GRID2: variants seen among roughly 807,000 people sequenced by gnomAD.
The protein encoded by GRID2 is glutamate receptor ionotropic, delta-2.
GRID2 carries 33 observed loss-of-function variants against 114.8 expected under a neutral mutation model. The observed-to-expected ratio is 0.29, with a 90% CI of 0.22 to 0.38. The LOEUF (loss-of-function observed/expected upper bound fraction) is 0.38, where lower values mean the gene tolerates loss of function less well. Ranked by LOEUF, GRID2 falls within the 10% of genes least tolerant of loss-of-function variation. The pLI is 1.00. For synonymous variants in GRID2, 505 were observed against 449.9 expected, an observed-to-expected ratio of 1.12 and a Z score of -1.55; for missense variants, 1,184 against 1,257.7, an observed-to-expected ratio of 0.94 and a Z score of 0.89.
At chr4:92,713,538 A>G in intron 2 of GRID2, among the ~76,000 whole-genome samples, 1 of 114,298 alleles carries the variant, frequency 8.7e-6, no homozygotes, top group Non-Finnish European at 1.7e-5. Flanking sequence ...TAGGTCTTGG[A>G]TAGTGTTTTC....
At chr4:92,665,649 T>C (rs746762554) in intron 2 of GRID2, among the ~76,000 whole-genome samples, 1 of 151,128 alleles carries the variant, frequency 6.6e-6, no homozygotes, top group Non-Finnish European at 1.5e-5. Context: ...ATTTTAGAAT[T>C]TTTTTATTTT....
At chr4:93,476,366 C>T (rs1045856801) in intron 11 of GRID2, among the ~76,000 whole-genome samples, 8 of 152,064 alleles carry the variant, frequency 5.3e-5, no homozygotes, top group Non-Finnish European at 1.2e-4. Flanking sequence ...CAGTGTATCC[C>T]TCAATCATAC....
intron 2 of GRID2, among the ~76,000 whole-genome samples, chr4:93,067,617 A>G (rs1339919695): frequency 6.6e-6 from 1 of 152,058 alleles, no homozygotes; most frequent in Non-Finnish European, 1.5e-5. Context: ...ACATACATTC[A>G]GACCATAGCA....
chr4:92,969,390 TATC>T lies in GRID2; in HGVS notation c.245-115602_245-115600del, dbSNP rs538536398. Among the ~76,000 whole-genome samples, 179 of 151,932 alleles carry T rather than the reference TATC, an allele frequency of 1.2e-3. 3 individuals are homozygous for T. Among genetic ancestry groups the T allele is most frequent in the East Asian group, 7.4e-3 (38 of 5,162 alleles). ...ACATTAATACTTGGATGGAAATTGT[TATC>T]ATGATTAATAACAATGAGTTGTGGC... On this transcript the variant is annotated intron_variant, in intron 2 of 15. Coordinates refer to ENST00000282020, the MANE Select transcript of GRID2 (RefSeq NM_001510.4).
At chr4:92,611,118 G>GTGTGTGTGTGTGCA (rs570324638) in intron 2 of GRID2, among the ~76,000 whole-genome samples, 4 of 144,526 alleles carry the variant, frequency 2.8e-5, no homozygotes, top group Non-Finnish European at 6.0e-5. Context: ...GTGTGTGTAT[G>GTGTGTGTGTGTGCA]TGTGTGTGTG....
intron 4 of GRID2, among the ~76,000 whole-genome samples, chr4:93,172,600 G>GAA (rs201819089): frequency 7.0e-6 from 1 of 142,954 alleles, no homozygotes; most frequent in African/African-American, 2.6e-5. Flanking sequence ...TCAAAAAAAA[G>GAA]AAAAAAAAAA....
chr4:93,156,443 T>C (rs959915000), intron 4 of GRID2, among the ~76,000 whole-genome samples: 1 of 151,590 alleles, frequency 6.6e-6, no homozygotes, highest in Non-Finnish European at 1.5e-5. Context: ...GGAACAATAA[T>C]CCAGTTCAAA....
At position 93,632,828 on chromosome 4, in the gene GRID2, G is replaced by A. The variant is rs573663367; in HGVS notation, c.2360+6393G>A. Among the ~76,000 whole-genome samples the A allele has an allele frequency of 1.5e-3, 225 of 152,076 alleles. 1 individual carries two copies. The highest frequency in any genetic ancestry group is 4.9e-3 in the African/African-American group (203 of 41,486). On this transcript the variant is annotated intron_variant, in intron 14 of 15. Coordinates refer to ENST00000282020, the MANE Select transcript of GRID2 (RefSeq NM_001510.4). ...TGGGCAGTATGGCCATTTTCACGAT[G>A]TTGATTCTTCCTACCCATGAGCATG...
chr4:92,799,698 A>G (rs914389357), intron 2 of GRID2, among the ~76,000 whole-genome samples: 2 of 152,002 alleles, frequency 1.3e-5, no homozygotes, highest in African/African-American at 2.4e-5. Context: ...AAGGGGTTAC[A>G]AATACAAATA....
At chr4:93,345,439 T>A (rs1383306374) in intron 8 of GRID2, among the ~76,000 whole-genome samples, 1 of 152,148 alleles carries the variant, frequency 6.6e-6, no homozygotes, top group African/African-American at 2.4e-5. Flanking sequence ...GCCATTTGCA[T>A]GTCATCTTCT....
intron 2 of GRID2, among the ~76,000 whole-genome samples, chr4:92,690,259 A>G (rs572034509): frequency 8.2e-4 from 125 of 152,184 alleles, no homozygotes; most frequent in African/African-American, 2.8e-3. Context: ...AGGCCGTTGT[A>G]GGCTTATCAA....
chr4:92,715,176 A>G (rs1579902434), intron 2 of GRID2, among the ~76,000 whole-genome samples: 1 of 152,168 alleles, frequency 6.6e-6, no homozygotes, highest in East Asian at 1.9e-4. Flanking sequence ...ACACATTTCT[A>G]GGACAGGGGC....
At chr4:92,401,966 C>G (rs879010261) in intron 1 of GRID2, among the ~76,000 whole-genome samples, 1 of 152,186 alleles carries the variant, frequency 6.6e-6, no homozygotes, top group Admixed American at 6.5e-5. Context: ...CACTGTGCAG[C>G]TGCTTTATCA....
intron 14 of GRID2, among the ~76,000 whole-genome samples, chr4:93,661,400 G>C (rs1052392256): frequency 6.6e-6 from 1 of 152,046 alleles, no homozygotes; most frequent in Non-Finnish European, 1.5e-5. Flanking sequence ...TGGTGACTTT[G>C]CTTTTTAAAA....
intron 12 of GRID2, among the ~76,000 whole-genome samples, chr4:93,492,090 A>G (rs1309058061): frequency 1.3e-5 from 2 of 152,002 alleles, no homozygotes; most frequent in East Asian, 3.9e-4. Flanking sequence ...AGTGAAACTT[A>G]TACCATTGAT....
At chr4:93,782,314 C>T (rs182973376) in intron 1 of GRID2, among the ~76,000 whole-genome samples, 8 of 152,134 alleles carry the variant, frequency 5.3e-5, no homozygotes, top group Admixed American at 2.0e-4. Flanking sequence ...TCTTAGAAAA[C>T]GAACAAACTA....
chr4:92,737,987 T>C (rs764769572), intron 2 of GRID2, among the ~76,000 whole-genome samples: 1 of 152,152 alleles, frequency 6.6e-6, no homozygotes, highest in Non-Finnish European at 1.5e-5. Flanking sequence ...CATTGTTTCA[T>C]TTTTACTCTG....
intron 9 of GRID2, among the ~76,000 whole-genome samples, chr4:93,421,931 C>T (rs1008725100): frequency 1.3e-5 from 2 of 151,378 alleles, no homozygotes; most frequent in Non-Finnish European, 2.9e-5. Context: ...GGACTACATA[C>T]ACCATGAATG....
chr4:93,258,458 A>G (rs1436819164), intron 8 of GRID2, among the ~76,000 whole-genome samples: 2 of 151,902 alleles, frequency 1.3e-5, no homozygotes, highest in East Asian at 1.9e-4. Flanking sequence ...TCATGAAAGA[A>G]TTAAAGTTAT....
Sources: allele counts gnomAD v4.1 joint callset (sites outside exome capture counted in the v4.1 genomes callset), GRCh38; gene constraint gnomAD v4.1.1; transcripts MANE v1.5; gene names NCBI Gene and HGNC (gene_info 2026-07-23, HGNC 2026-07-21).